The following AXDND1 variants were observed in gnomAD, a reference collection of about 807,000 sequenced individuals.
The protein encoded by AXDND1 is axonemal dynein light chain domain-containing protein 1.
AXDND1 carries 110 observed loss-of-function variants against 137.5 expected under a neutral mutation model. The observed-to-expected ratio is 0.80, with a 90% confidence interval of 0.69 to 0.94. The LOEUF (loss-of-function observed/expected upper bound fraction) is 0.94. AXDND1 is among the 40% of genes least tolerant of loss of function. The pLI, the probability that AXDND1 is intolerant of heterozygous loss-of-function variation, is 0.00. For synonymous variants in AXDND1, 414 were observed against 399.7 expected (o/e 1.04, Z -0.43); for missense variants, 1,191 against 1,169.8 (o/e 1.02, Z -0.26).
chr1:179,518,385 C>CTTTTTTTTTTTTT (rs71114530), intron 21 of AXDND1, among the ~76,000 whole-genome samples: 2 of 145,104 alleles, frequency 1.4e-5, no homozygotes, highest in African/African-American at 2.6e-5. Context: ...TTTCCTTTTT[C>CTTTTTTTTTTTTT]TTTTTTTTTT....
intron 16 of AXDND1, chr1:179,449,140 C>T (rs1452720990): frequency 4.4e-6 from 2 of 454,078 alleles, no homozygotes; most frequent in African/African-American, 2.0e-5. Flanking sequence ...CCCACTTCAG[C>T]CCCCCAAAGT....
At chr1:179,377,312 T>C (rs1647431920) in intron 4 of AXDND1, among the ~76,000 whole-genome samples, 1 of 152,226 alleles carries the variant, frequency 6.6e-6, no homozygotes, top group Non-Finnish European at 1.5e-5. Context: ...TATTTGCTTT[T>C]TTCACTATTA....
chr1:179,531,286 A>G (rs892944092), intron 23 of AXDND1, among the ~76,000 whole-genome samples: 1 of 152,186 alleles, frequency 6.6e-6, no homozygotes, highest in Non-Finnish European at 1.5e-5. Context: ...GATGTTATTT[A>G]TAGGCATAAT....
chr1:179,441,255 G>A (rs72719250), intron 15 of AXDND1, among the ~76,000 whole-genome samples: 2 of 152,288 alleles, frequency 1.3e-5, no homozygotes, highest in Non-Finnish European at 2.9e-5. Flanking sequence ...GTTGGGTGGG[G>A]CACAGCATTG....
chr1:179,381,350 T>C (rs1648273552), intron 6 of AXDND1, among the ~76,000 whole-genome samples: 1 of 149,266 alleles, frequency 6.7e-6, no homozygotes, highest in East Asian at 2.0e-4. Flanking sequence ...CTGATTTTTT[T>C]TTTTTTTTTT....
At chr1:179,488,925 A>G (rs28582789) in intron 18 of AXDND1, among the ~76,000 whole-genome samples, 50,067 of 143,798 alleles carry the variant, frequency 0.35, 11,104 homozygotes, top group Middle Eastern at 0.45. Flanking sequence ...AGTAGAGACC[A>G]GGTTTCACCA....
chr1:179,492,189 T>G (rs964134437), intron 19 of AXDND1, among the ~76,000 whole-genome samples: 5 of 152,156 alleles, frequency 3.3e-5, no homozygotes, highest in African/African-American at 9.6e-5. Flanking sequence ...TTCTTGTGCC[T>G]CAGCCTCCTG....
intron 4 of AXDND1, among the ~76,000 whole-genome samples, chr1:179,377,584 T>C (rs1054359213): frequency 2.0e-5 from 3 of 152,226 alleles, no homozygotes; most frequent in Non-Finnish European, 4.4e-5. Context: ...AGGATTTTTT[T>C]CTCCACTTTT....
chr1:179,382,127 G>A (rs2125089882), intron 6 of AXDND1, among the ~76,000 whole-genome samples: 1 of 151,476 alleles, frequency 6.6e-6, no homozygotes, highest in African/African-American at 2.4e-5. Flanking sequence ...TGTCATGGGT[G>A]GAGTGCAGTG....
At chr1:179,528,638 C>CCT (rs1447967714) in intron 23 of AXDND1, among the ~76,000 whole-genome samples, 1 of 127,162 alleles carries the variant, frequency 7.9e-6, no homozygotes, top group African/African-American at 2.7e-5. Context: ...CATCTTTAAA[C>CCT]CTCTTTTTTT....
At chr1:179,366,349 C>T in intron 1 of AXDND1, 55 bp from the exon 2 acceptor site, 2 of 567,578 alleles carry the variant, frequency 3.5e-6, no homozygotes. Context: ...AACCTAAGTA[C>T]TCAATAGTTG....
chr1:179,540,004 C>T (rs1205800055), intron 25 of AXDND1, among the ~76,000 whole-genome samples: 3 of 151,868 alleles, frequency 2.0e-5, no homozygotes, highest in South Asian at 2.1e-4. Context: ...ATTGTGTATG[C>T]GTCACGAAGT....
intron 16 of AXDND1, among the ~76,000 whole-genome samples, chr1:179,460,108 G>A (rs34118339): frequency 0.17 from 25,206 of 150,642 alleles, 2,446 homozygotes; most frequent in East Asian, 0.35. Context: ...TTTGTTACAT[G>A]TGTATACATG....
chr1:179,472,215 T>C (rs1166227086), intron 17 of AXDND1, among the ~76,000 whole-genome samples: 1 of 152,194 alleles, frequency 6.6e-6, no homozygotes, highest in Non-Finnish European at 1.5e-5. Context: ...TTTTCATTAA[T>C]CTCAAAGTAT....
intron 12 of AXDND1, among the ~76,000 whole-genome samples, chr1:179,421,786 G>A (rs989408623): frequency 5.9e-5 from 9 of 151,556 alleles, no homozygotes; most frequent in Non-Finnish European, 7.4e-5. Context: ...ACCTGTTATC[G>A]TAGCACTTTG....
At chr1:179,523,840 T>C (rs1346666672) in intron 21 of AXDND1, among the ~76,000 whole-genome samples, 3 of 152,102 alleles carry the variant, frequency 2.0e-5, no homozygotes, top group Non-Finnish European at 4.4e-5. Flanking sequence ...ACCCAATGTG[T>C]AGTCTTTTAT....
intron 16 of AXDND1, among the ~76,000 whole-genome samples, chr1:179,465,568 C>T (rs972776062): frequency 2.6e-5 from 4 of 152,228 alleles, no homozygotes; most frequent in African/African-American, 9.6e-5. Context: ...ACTCGGGGGT[C>T]ATGGACCCAC....
At chr1:179,465,456 T>C (rs1018442254) in intron 16 of AXDND1, among the ~76,000 whole-genome samples, 1 of 152,190 alleles carries the variant, frequency 6.6e-6, no homozygotes, top group African/African-American at 2.4e-5. Flanking sequence ...GAATGGCAAA[T>C]GTTTCTGCCT....
intron 15 of AXDND1, among the ~76,000 whole-genome samples, chr1:179,439,580 C>T (rs992469587): frequency 7.8e-5 from 10 of 128,788 alleles, no homozygotes; most frequent in African/African-American, 1.7e-4. Flanking sequence ...TTTGCCTCTG[C>T]ACAGGGAAAA....
Sources: allele counts gnomAD v4.1 joint callset (sites outside exome capture counted in the v4.1 genomes callset), GRCh38; gene constraint gnomAD v4.1.1; transcripts MANE v1.5; gene names NCBI Gene and HGNC (gene_info 2026-07-23, HGNC 2026-07-21).